The following FRMPD1 variants were observed in gnomAD, a reference collection of about 807,000 sequenced individuals.
FRMPD1 encodes the protein FERM and PDZ domain containing 1.
Under a neutral mutation model 117.8 loss-of-function variants are expected in FRMPD1, and 76 were observed. That is an observed-to-expected ratio of 0.65 (90% CI 0.54 to 0.78). The LOEUF (loss-of-function observed/expected upper bound fraction) is 0.78, where lower values mean the gene tolerates loss of function less well. FRMPD1 is among the 30% of genes least tolerant of loss of function. The pLI, the probability that FRMPD1 is intolerant of heterozygous loss-of-function variation, is 0.00. For synonymous variants in FRMPD1, 783 were observed against 770.4 expected (o/e 1.02, Z -0.27); for missense variants, 1,786 against 1,964.5 (o/e 0.91, Z 1.72).
At chr9:37,635,700 C>A in the FRMPD1 span, among the ~76,000 whole-genome samples, 1 of 152,182 alleles carries the variant, frequency 6.6e-6, no homozygotes, top group Admixed American at 6.5e-5. Flanking sequence ...TGCTTTCCTG[C>A]AGGAAGCAGC....
At chr9:37,717,345 G>A (rs1823174065) in intron 5 of FRMPD1, among the ~76,000 whole-genome samples, 1 of 44,012 alleles carries the variant, frequency 2.3e-5, no homozygotes, top group Non-Finnish European at 6.2e-5. Context: ...GTATATATGT[G>A]TGTGTGTGTG....
the FRMPD1 span, among the ~76,000 whole-genome samples, chr9:37,631,547 T>C: frequency 6.6e-6 from 1 of 152,244 alleles, no homozygotes; most frequent in African/African-American, 2.4e-5. Context: ...CATCTTGATA[T>C]TGGAGTCACT....
chr9:37,631,510 A>C, the FRMPD1 span, among the ~76,000 whole-genome samples: 7 of 152,268 alleles, frequency 4.6e-5, no homozygotes, highest in Non-Finnish European at 1.0e-4. Context: ...TTTTCTTAGC[A>C]GTAAACTCTA....
At position 37,731,049 on chromosome 9, in the gene FRMPD1, C is replaced by G. The variant is rs777675422; in HGVS notation, c.804C>G (p.Asp268Glu). 1 of 1,612,872 alleles carries G rather than the reference C, an allele frequency of 6.2e-7. No individual in the cohort carries two copies. Among genetic ancestry groups the G allele is most frequent in the East Asian group, 2.2e-5 (1 of 44,870 alleles). The change falls in exon 9 of 16, where the codon GAC (aspartate) becomes GAG (glutamate). Residue 268 changes from aspartate to glutamate, a missense_variant. Asp to Glu is a conservative substitution (Grantham distance 45). Coordinates refer to ENST00000377765, the MANE Select transcript of FRMPD1 (RefSeq NM_014907.3). ...CLFRVCFVPK[D>E]PLDLLKEDPV... is the part of the protein sequence containing the mutation. The stretch of plus-strand genomic sequence containing the variant: ...TCAGGGTCTGTTTTGTTCCCAAGGA[C>G]CCCCTGGACCTCCTGAAAGAAGACC...
chr9:37,650,573 A>C (rs1820636855), upstream of FRMPD1, among the ~76,000 whole-genome samples: 1 of 152,122 alleles, frequency 6.6e-6, no homozygotes, highest in Non-Finnish European at 1.5e-5. Flanking sequence ...GGGGAAAAGG[A>C]GGCGTGAGAA....
chr9:37,708,339 T>TA (rs1350259319), intron 3 of FRMPD1, 60 bp from the exon 4 acceptor site: 1 of 1,010,628 alleles, frequency 9.9e-7, no homozygotes, highest in Non-Finnish European at 1.6e-6. Context: ...GTGCCGCTAT[T>TA]ACACATAGAG....
rs762862049 is a variant in FRMPD1 at position 37,740,215 on chromosome 9, A to T, written c.1687A>T (p.Ser563Cys). 5 of 1,614,016 alleles carry T rather than the reference A, an allele frequency of 3.1e-6. No homozygotes were observed. The highest frequency in any genetic ancestry group is 1.7e-4 in the Middle Eastern group (1 of 6,060). ...LIKEEQPPGN[S>C]PTPEVARRGP... is the part of the protein sequence containing the mutation. ...AAAGGAGGAGCAGCCTCCTGGGAAC[A>T]GCCCCACACCTGAGGTGGCTAGGAG... The change falls in exon 15 of 16, where the codon AGC (serine) becomes TGC (cysteine). Residue 563 changes from serine to cysteine, a missense_variant. Transcript: ENST00000377765. This position sits in a 1 kb window ranked among gnomAD's most constrained non-coding sequence, Gnocchi z 4.2.
chr9:37,634,423 T>C, the FRMPD1 span, among the ~76,000 whole-genome samples: 1 of 152,250 alleles, frequency 6.6e-6, no homozygotes, highest in South Asian at 2.1e-4. Context: ...TTACTAGTTT[T>C]CCTGAAGTGT....
chr9:37,746,496 G>A lies in FRMPD1; in HGVS notation c.4464G>A (p.Gly1488=), dbSNP rs961716433. Residue 1488 remains glycine, a synonymous_variant, in exon 16 of 16, where the codon GGG becomes GGA. Transcript: ENST00000377765. ...ACCAGTCCCCCGAAGAGATGCAGGGGGCCGTGCGTGACACCTTCCAGCACC... is the reference window on the plus strand; with the variant it reads ...ACCAGTCCCCCGAAGAGATGCAGGGAGCCGTGCGTGACACCTTCCAGCACC... ...RMDQSPEEMQ[G]AVRDTFQHLV... 6.2e-7 allele frequency: 1 copy of A among 1,613,638 alleles called. No individual in the cohort carries two copies. The highest frequency in any genetic ancestry group is 8.5e-7 in the Non-Finnish European group (1 of 1,180,026).
At chr9:37,637,922 C>T in the FRMPD1 span, among the ~76,000 whole-genome samples, 1 of 127,392 alleles carries the variant, frequency 7.8e-6, no homozygotes, top group African/African-American at 2.6e-5. Context: ...CCCACAACAA[C>T]GGTGGGATTT....
rs544775053 is a variant in FRMPD1, at chr9:37,724,460, C to T, written c.612+140C>T. On this transcript the variant is annotated intron_variant, in intron 7 of 15. Coordinates refer to ENST00000377765, the MANE Select transcript of FRMPD1 (RefSeq NM_014907.3). ...GCCCCTGTAATAATAAGCCAGGTGC[C>T]ATGTTATCTCATTTCGTTGCACGAC... 6.5e-5 allele frequency: 36 copies of T among 557,220 alleles called. No individual in the cohort carries two copies. The South Asian group carries it at 8.0e-4, about 12-fold the overall frequency. 34.5% of individuals were successfully genotyped at this position (557,220 alleles called of 1,614,324 possible). A position where few individuals can be genotyped will look rare whatever the true frequency, so the allele number is the denominator to read the frequency against.
At chr9:37,626,622 GAAAAAA>G in the FRMPD1 span, among the ~76,000 whole-genome samples, 2 of 48,634 alleles carry the variant, frequency 4.1e-5, no homozygotes, top group South Asian at 7.4e-4. Context: ...CCTGGTATCT[GAAAAAA>G]AAAAAAAAAA....
At chr9:37,652,388 T>C (rs1820702237) in intron 1 of FRMPD1, among the ~76,000 whole-genome samples, 1 of 152,256 alleles carries the variant, frequency 6.6e-6, no homozygotes, top group Non-Finnish European at 1.5e-5. Context: ...AACTGTGATA[T>C]GCTAGAAAGT....
At chr9:37,670,910 A>C (rs1821329149) in intron 1 of FRMPD1, among the ~76,000 whole-genome samples, 1 of 152,242 alleles carries the variant, frequency 6.6e-6, no homozygotes, top group South Asian at 2.1e-4. Context: ...ATAAGCATCC[A>C]GGGCATAGTT....
chr9:37,690,016 A>AT (rs2118008790), intron 1 of FRMPD1, among the ~76,000 whole-genome samples: 1 of 152,232 alleles, frequency 6.6e-6, no homozygotes, highest in Non-Finnish European at 1.5e-5. Context: ...AGGGTGGGCA[A>AT]TTAGTATATA....
intron 6 of FRMPD1, 48 bp from the exon 7 acceptor site, chr9:37,724,177 A>G (rs1189953211): frequency 1.3e-5 from 12 of 957,776 alleles, no homozygotes; most frequent in Non-Finnish European, 1.7e-5. Flanking sequence ...CTGTCTCCAG[A>G]AGGAATAAAA....
chr9:37,637,345 C>A, the FRMPD1 span: 26 of 868,778 alleles, frequency 3.0e-5, no homozygotes, highest in Non-Finnish European at 4.5e-5. Flanking sequence ...GCTCCGCCTC[C>A]CGTTCCAAGA....
the FRMPD1 span, among the ~76,000 whole-genome samples, chr9:37,634,638 C>T: frequency 6.6e-6 from 1 of 151,984 alleles, no homozygotes; most frequent in African/African-American, 2.4e-5. Flanking sequence ...TTTTGCACTT[C>T]TGTTTTCTGA....
In FRMPD1 at chr9:37,726,803, G is replaced by T. The variant is rs75966610; in HGVS notation, c.612+2483G>T. Among the ~76,000 whole-genome samples, 830 of 152,246 alleles carry T rather than the reference G, an allele frequency of 5.5e-3. 12 individuals are homozygous for T. The highest frequency in any genetic ancestry group is 0.018 in the African/African-American group (731 of 41,554). ...CTAGGGTGAGGAGATGAGATCTGGG[G>T]ACAACTCACAATGAAACGAGGTACC... On this transcript the variant is annotated intron_variant, in intron 7 of 15. Transcript: ENST00000377765.
Sources: allele counts gnomAD v4.1 joint callset (sites outside exome capture counted in the v4.1 genomes callset), GRCh38; gene constraint gnomAD v4.1.1; non-coding constraint Gnocchi (gnomAD v3.1); transcripts MANE v1.5; gene names NCBI Gene and HGNC (gene_info 2026-07-23, HGNC 2026-07-21).